Variants in CFDP1 observed in about 807,000 individuals in gnomAD.
CFDP1 encodes heterochromatin-stabilizing protein CFDP1.
In CFDP1, 31 loss-of-function variants were observed where a neutral mutation model predicts 40.1. That is an observed-to-expected ratio of 0.77 (90% confidence interval 0.58 to 1.04). CFDP1 has a LOEUF of 1.04. CFDP1 is among the 50% of genes least tolerant of loss of function. The pLI is 0.00. For synonymous variants in CFDP1, 167 were observed against 120.0 expected, an observed-to-expected ratio of 1.39 and a Z score of -2.56; for missense variants, 423 against 343.4, an observed-to-expected ratio of 1.23 and a Z score of -1.83.
intron 5 of CFDP1, among the ~76,000 whole-genome samples, chr16:75,316,127 G>A (rs894855318): frequency 3.3e-5 from 5 of 152,128 alleles, no homozygotes; most frequent in African/African-American, 1.2e-4. Context: ...AAATAGATGA[G>A]GTTGGGCACT....
At chr16:75,368,012 A>C (rs1199802293) in intron 5 of CFDP1, among the ~76,000 whole-genome samples, 3 of 151,882 alleles carry the variant, frequency 2.0e-5, no homozygotes, top group Non-Finnish European at 4.4e-5. Context: ...GCTGAGGCAG[A>C]AGAATCGCTT....
intron 5 of CFDP1, chr16:75,394,750 AC>A (rs2078982321): frequency 6.8e-6 from 1 of 147,266 alleles, no homozygotes; most frequent in South Asian, 2.1e-4. Context: ...TGCAGCCTCA[AC>A]CTTCTGGGCT....
intron 5 of CFDP1, among the ~76,000 whole-genome samples, chr16:75,386,351 A>C (rs1341041826): frequency 1.3e-5 from 2 of 152,206 alleles, no homozygotes; most frequent in South Asian, 2.1e-4. Context: ...CTAGGTTCAG[A>C]GTATTTGTTG....
chr16:75,395,327 G>A (rs1357834926), intron 4 of CFDP1, 118 bp from the exon 5 acceptor site: 7 of 1,055,374 alleles, frequency 6.6e-6, no homozygotes, highest in Admixed American at 2.5e-5. Context: ...AATTCTGGAC[G>A]CTCAGCATTA....
chr16:75,404,229 C>T (rs2079079604), intron 4 of CFDP1, among the ~76,000 whole-genome samples: 1 of 150,838 alleles, frequency 6.6e-6, no homozygotes, highest in African/African-American at 2.4e-5. Context: ...CTGGAAGGTA[C>T]TGTCATTTTT....
chr16:75,402,691 T>A (rs756022326), intron 4 of CFDP1, among the ~76,000 whole-genome samples: 27 of 152,104 alleles, frequency 1.8e-4, no homozygotes, highest in Non-Finnish European at 3.4e-4. Flanking sequence ...AATAATGACA[T>A]GAAGAAATTA....
chr16:75,295,432 G>T lies in CFDP1; in HGVS notation c.810-1390C>A, dbSNP rs577785655. 1.0e-3 allele frequency among the ~76,000 whole-genome samples: 156 copies of T among 152,348 alleles called. 1 individual carries two copies. Among genetic ancestry groups the T allele is most frequent in the African/African-American group, 3.4e-3 (143 of 41,582 alleles). On this transcript the variant is annotated intron_variant, in intron 6 of 6. Transcript: ENST00000283882. ...ATGGCTAGTCATCTCCACTCTGAAG[G>T]ACTGTTGTGTGGATTAAATAAAATA...
intron 6 of CFDP1, among the ~76,000 whole-genome samples, chr16:75,304,315 G>A (rs763440531): frequency 2.0e-5 from 3 of 152,116 alleles, no homozygotes; most frequent in Non-Finnish European, 4.4e-5. Flanking sequence ...TGATCTGCCC[G>A]CCTCGGCCTC....
intron 3 of CFDP1, 32 bp downstream of exon 3, chr16:75,412,503 G>A (rs763260633): frequency 1.3e-6 from 2 of 1,507,434 alleles, no homozygotes; most frequent in Non-Finnish European, 1.8e-6. Flanking sequence ...TATTTCTGGA[G>A]AGGCATTCAC....
At chr16:75,349,693 ATATAT>A (rs2078596792) in intron 5 of CFDP1, among the ~76,000 whole-genome samples, 1 of 83,080 alleles carries the variant, frequency 1.2e-5, no homozygotes, top group African/African-American at 4.8e-5. Flanking sequence ...AAAAAAAAAT[ATATAT>A]ACATACATAT....
chr16:75,374,522 T>C (rs974206840), intron 5 of CFDP1, among the ~76,000 whole-genome samples: 4 of 150,972 alleles, frequency 2.6e-5, no homozygotes, highest in Non-Finnish European at 5.9e-5. Flanking sequence ...AGCTGTCAAA[T>C]AGAAATAAAA....
At chr16:75,334,332 C>G (rs534956746) in intron 5 of CFDP1, among the ~76,000 whole-genome samples, 2 of 151,372 alleles carry the variant, frequency 1.3e-5, no homozygotes, top group Non-Finnish European at 2.9e-5. Flanking sequence ...TAAAAAGGAC[C>G]GGGAAAGACG....
At chr16:75,306,365 A>G (rs1444055203) in intron 5 of CFDP1, 1 of 152,284 alleles carries the variant, frequency 6.6e-6, no homozygotes, top group African/African-American at 2.4e-5. Context: ...CCTGCCGCAA[A>G]GCAGCGTGAA....
At chr16:75,427,776 G>GAA (rs1308554245) in intron 1 of CFDP1, among the ~76,000 whole-genome samples, 1 of 152,162 alleles carries the variant, frequency 6.6e-6, no homozygotes, top group African/African-American at 2.4e-5. Flanking sequence ...CATGTTCACA[G>GAA]AAAAAGCTGT....
chr16:75,431,876 A>T (rs1431880555), intron 1 of CFDP1, among the ~76,000 whole-genome samples: 1 of 121,282 alleles, frequency 8.2e-6, no homozygotes, highest in Non-Finnish European at 1.9e-5. Context: ...AGGAATATTA[A>T]ATAAAATAGG....
At chr16:75,362,103 A>C (rs2078683612) in intron 5 of CFDP1, among the ~76,000 whole-genome samples, 1 of 143,882 alleles carries the variant, frequency 7.0e-6, no homozygotes, top group Admixed American at 6.9e-5. Flanking sequence ...CCTAGACTGC[A>C]TGATCTACAC....
chr16:75,427,050 C>CA lies in CFDP1; in HGVS notation c.64+6238dup, dbSNP rs58187867. ...AGCCTGGGGGACAGCGAGACTGTCT[C>CA]AAAAAAAAAAAAACAAAACAAATAT... On this transcript the variant is annotated intron_variant, in intron 1 of 6. Coordinates refer to ENST00000283882, the MANE Select transcript of CFDP1 (RefSeq NM_006324.3). 4.9e-3 allele frequency among the ~76,000 whole-genome samples: 652 copies of CA among 134,126 alleles called. 3 individuals carry two copies. Among genetic ancestry groups the CA allele is most frequent in the Non-Finnish European group, 7.2e-3 (451 of 62,312 alleles). The allele number at this position is 134,126 out of a possible 152,430, so 88.0% of individuals were successfully genotyped here. A position where few individuals can be genotyped will look rare whatever the true frequency, so the allele number is the denominator to read the frequency against.
At chr16:75,337,686 A>T (rs2078498970) in intron 5 of CFDP1, among the ~76,000 whole-genome samples, 1 of 152,160 alleles carries the variant, frequency 6.6e-6, no homozygotes, top group Admixed American at 6.5e-5. Flanking sequence ...AAGAGACAGA[A>T]GTGGGAGGTG....
At chr16:75,325,358 G>C (rs772266718) in intron 5 of CFDP1, among the ~76,000 whole-genome samples, 1 of 152,178 alleles carries the variant, frequency 6.6e-6, no homozygotes, top group Admixed American at 6.5e-5. Flanking sequence ...CAACGACTGT[G>C]CCCAGTTATC....
Sources: gnomAD v4.1 joint callset for allele counts (sites outside exome capture counted in the v4.1 genomes callset) on GRCh38, gnomAD v4.1.1 for gene constraint, MANE v1.5 for transcripts, NCBI Gene and HGNC (gene_info 2026-07-23, HGNC 2026-07-21) for gene names.